RSU1: variants seen among roughly 807,000 people sequenced by gnomAD.
RSU1 encodes the protein rsu-1.
Under a neutral mutation model 31.1 loss-of-function variants are expected in RSU1, and 26 were observed. That is an observed-to-expected ratio of 0.84 (90% CI 0.61 to 1.16). RSU1 has a LOEUF of 1.16. RSU1 is among the 50% of genes most tolerant of loss of function. The pLI, the probability that RSU1 is intolerant of heterozygous loss-of-function variation, is 0.00. For missense variants in RSU1, 320 were observed against 339.1 expected (o/e 0.94, Z 0.44); for synonymous variants, 164 against 136.3 (o/e 1.20, Z -1.41).
intron 7 of RSU1, among the ~76,000 whole-genome samples, chr10:16,734,086 C>G (rs556889242): frequency 6.6e-6 from 1 of 152,208 alleles, no homozygotes; most frequent in African/African-American, 2.4e-5. Context: ...CACAAAGTGA[C>G]AGATTTAGTG....
chr10:16,801,910 T>G (rs1020448837), intron 2 of RSU1, among the ~76,000 whole-genome samples: 2 of 152,118 alleles, frequency 1.3e-5, no homozygotes, highest in Non-Finnish European at 2.9e-5. Flanking sequence ...ATTAAATGCA[T>G]GTATTACAAA....
chr10:16,605,998 C>T (rs1346812987), intron 8 of RSU1, among the ~76,000 whole-genome samples: 1 of 152,166 alleles, frequency 6.6e-6, no homozygotes, highest in African/African-American at 2.4e-5. Flanking sequence ...AGTGATCCTC[C>T]TGCCTCAGCC....
intron 8 of RSU1, among the ~76,000 whole-genome samples, chr10:16,685,832 C>A (rs1036076647): frequency 5.3e-5 from 8 of 152,158 alleles, no homozygotes; most frequent in Non-Finnish European, 1.2e-4. Context: ...CTGGTTCATG[C>A]GTCCCAGAGA....
chr10:16,708,550 T>C (rs1199511251), intron 7 of RSU1, among the ~76,000 whole-genome samples: 1 of 152,174 alleles, frequency 6.6e-6, no homozygotes, highest in African/African-American at 2.4e-5. Flanking sequence ...TCAGGGTTGC[T>C]TTGGCTATTT....
At chr10:16,680,137 C>T (rs192746676) in intron 8 of RSU1, among the ~76,000 whole-genome samples, 24 of 152,180 alleles carry the variant, frequency 1.6e-4, no homozygotes, top group Admixed American at 1.4e-3. Flanking sequence ...CTGCCCTCGC[C>T]TCCCAAAGTG....
intron 8 of RSU1, among the ~76,000 whole-genome samples, chr10:16,682,509 T>C (rs1835344904): frequency 6.7e-6 from 1 of 149,364 alleles, no homozygotes; most frequent in African/African-American, 2.5e-5. Context: ...AGAACACATC[T>C]CTCCATGGTC....
At chr10:16,801,388 TA>T (rs1267744909) in intron 2 of RSU1, among the ~76,000 whole-genome samples, 1 of 152,148 alleles carries the variant, frequency 6.6e-6, no homozygotes, top group Non-Finnish European at 1.5e-5. Context: ...CAAAATATGT[TA>T]GACAAAAACT....
intron 7 of RSU1, among the ~76,000 whole-genome samples, chr10:16,700,597 C>T (rs1835772998): frequency 6.6e-6 from 1 of 152,208 alleles, no homozygotes; most frequent in Admixed American, 6.5e-5. Flanking sequence ...TTATCATGTG[C>T]TAGGCTACTA....
At chr10:16,781,987 G>C (rs753402820) in intron 3 of RSU1, 47 bp downstream of exon 3, 18 of 1,519,886 alleles carry the variant, frequency 1.2e-5, no homozygotes, top group Non-Finnish European at 1.6e-5. Flanking sequence ...AGTGCCATAG[G>C]ATTACCTAAA....
At chr10:16,765,240 A>G (rs1445190031) in intron 3 of RSU1, among the ~76,000 whole-genome samples, 5 of 152,194 alleles carry the variant, frequency 3.3e-5, no homozygotes, top group Non-Finnish European at 5.9e-5. Flanking sequence ...TTAACATTGC[A>G]TTAATAACAA....
At chr10:16,603,565 C>T (rs934361731) in intron 8 of RSU1, among the ~76,000 whole-genome samples, 1 of 152,162 alleles carries the variant, frequency 6.6e-6, no homozygotes, top group Non-Finnish European at 1.5e-5. Context: ...AGAATACAGG[C>T]AGAGAAAAAT....
At chr10:16,809,993 G>GCGGGGGGGC (rs1564365891) in intron 2 of RSU1, among the ~76,000 whole-genome samples, 1 of 148,606 alleles carries the variant, frequency 6.7e-6, no homozygotes, top group Non-Finnish European at 1.5e-5. Context: ...GGCCGGGGGT[G>GCGGGGGGGC]GGGGGGGGAG....
chr10:16,807,424 C>A lies in RSU1; in HGVS notation c.109+9549G>T, dbSNP rs543241842. ...TACATGAACCAATATTTCCCCAACACAATCTTTTCCAGCCCCATACTTTGT... is the reference window on the plus strand; with the variant it reads ...TACATGAACCAATATTTCCCCAACAAAATCTTTTCCAGCCCCATACTTTGT... On this transcript the variant is annotated intron_variant, in intron 2 of 8. Coordinates refer to ENST00000345264, the MANE Select transcript of RSU1 (RefSeq NM_012425.4). Among the ~76,000 whole-genome samples the A allele has an allele frequency of 3.3e-5, 5 of 152,328 alleles. No individual in the cohort carries two copies. The South Asian group carries it at 8.3e-4, about 25-fold the overall frequency.
At chr10:16,685,836 C>T (rs12784316) in intron 8 of RSU1, among the ~76,000 whole-genome samples, 30,382 of 151,908 alleles carry the variant, frequency 0.2, 3,282 homozygotes, top group African/African-American at 0.27. Flanking sequence ...TTCATGCGTC[C>T]CAGAGAGAAC....
chr10:16,612,288 AG>A (rs1833904642), intron 8 of RSU1, among the ~76,000 whole-genome samples: 1 of 152,240 alleles, frequency 6.6e-6, no homozygotes, highest in Non-Finnish European at 1.5e-5. Flanking sequence ...CAAATGGCAG[AG>A]AACATAAGGA....
rs199960991 is a variant in RSU1 at position 16,810,365 on chromosome 10, AT to A, written c.109+6607del. Among the ~76,000 whole-genome samples, 440 of 152,388 alleles carry A rather than the reference AT, an allele frequency of 2.9e-3. 2 individuals are homozygous for A. The highest frequency in any genetic ancestry group is 0.01 in the African/African-American group (416 of 41,600). On this transcript the variant is annotated intron_variant, in intron 2 of 8. Transcript: ENST00000345264. ...CTGCAGGACACAGAGTATTTTAATT[AT>A]TAGTGGAAAAATTACCAGTTTTCAA...
chr10:16,621,949 T>G (rs1588678995), intron 8 of RSU1, among the ~76,000 whole-genome samples: 1 of 152,172 alleles, frequency 6.6e-6, no homozygotes, highest in Non-Finnish European at 1.5e-5. Flanking sequence ...AGAAATAAAT[T>G]TGAGAACTGA....
At chr10:16,635,386 C>T (rs1834328681) in intron 8 of RSU1, among the ~76,000 whole-genome samples, 1 of 152,220 alleles carries the variant, frequency 6.6e-6, no homozygotes, top group African/African-American at 2.4e-5. Context: ...TCTCCTCCAT[C>T]CTCCCTCTCA....
chr10:16,708,642 T>C (rs1019707420), intron 7 of RSU1, among the ~76,000 whole-genome samples: 5 of 152,132 alleles, frequency 3.3e-5, no homozygotes, highest in African/African-American at 9.7e-5. Context: ...TTGATAGGAA[T>C]TGCATCAAAT....
Sources: allele counts gnomAD v4.1 joint callset (sites outside exome capture counted in the v4.1 genomes callset), GRCh38; gene constraint gnomAD v4.1.1; transcripts MANE v1.5; gene names NCBI Gene and HGNC (gene_info 2026-07-23, HGNC 2026-07-21).